CCDC91: variants seen among roughly 807,000 people sequenced by gnomAD.
CCDC91 encodes the protein coiled-coil domain-containing protein 91.
A neutral mutation model predicts 63.2 loss-of-function variants in CCDC91; 48 were observed. The ratio of observed to expected loss-of-function variants is 0.76; its 90% CI spans 0.60 to 0.97. The LOEUF (loss-of-function observed/expected upper bound fraction) is 0.97, where lower values mean the gene tolerates loss of function less well. CCDC91 is among the 50% of genes least tolerant of loss of function. The probability of loss-of-function intolerance (pLI) is 0.00; values close to 1 mark genes in which losing one functional copy is unlikely to be tolerated. For missense variants in CCDC91, 500 were observed against 494.6 expected, an observed-to-expected ratio of 1.01 and a Z score of -0.10; for synonymous variants, 167 against 165.8, an observed-to-expected ratio of 1.01 and a Z score of -0.06.
At chr12:28,448,317 CTAT>C (rs1202461478) in intron 8 of CCDC91, among the ~76,000 whole-genome samples, 1 of 152,034 alleles carries the variant, frequency 6.6e-6, no homozygotes, top group Non-Finnish European at 1.5e-5. Flanking sequence ...CTCAAAAGTG[CTAT>C]TATTATCTAT....
intron 7 of CCDC91, among the ~76,000 whole-genome samples, chr12:28,379,510 C>T (rs989548992): frequency 7.4e-5 from 11 of 148,864 alleles, no homozygotes; most frequent in African/African-American, 2.2e-4. Context: ...TATGAACAGA[C>T]ACTTCTCAAA....
intron 11 of CCDC91, among the ~76,000 whole-genome samples, chr12:28,462,008 G>A (rs1167958151): frequency 2.6e-5 from 4 of 151,392 alleles, no homozygotes; most frequent in African/African-American, 4.8e-5. Flanking sequence ...TCCAAACTGT[G>A]TATCAAGAGA....
intron 11 of CCDC91, among the ~76,000 whole-genome samples, chr12:28,478,353 A>C (rs1341918806): frequency 6.6e-6 from 1 of 152,132 alleles, no homozygotes; most frequent in Non-Finnish European, 1.5e-5. Context: ...CAAAGACAAG[A>C]AATGGGGAAA....
At chr12:28,245,328 A>G (rs1174085858) in intron 1 of CCDC91, among the ~76,000 whole-genome samples, 3 of 152,180 alleles carry the variant, frequency 2.0e-5, no homozygotes, top group African/African-American at 7.2e-5. Flanking sequence ...TCAGGAAAAA[A>G]AAAGAATTAG....
chr12:28,335,231 A>G (rs1348498641), intron 6 of CCDC91, among the ~76,000 whole-genome samples: 1 of 136,508 alleles, frequency 7.3e-6, no homozygotes, highest in Non-Finnish European at 1.6e-5. Flanking sequence ...AGATAAATAC[A>G]TAGTATACTT....
intron 6 of CCDC91, among the ~76,000 whole-genome samples, chr12:28,354,556 A>C (rs1943400371): frequency 6.6e-6 from 1 of 152,174 alleles, no homozygotes; most frequent in African/African-American, 2.4e-5. Flanking sequence ...AGTATATTTA[A>C]ATATATGAAG....
intron 12 of CCDC91, among the ~76,000 whole-genome samples, chr12:28,531,723 T>C (rs537290124): frequency 6.6e-6 from 1 of 152,356 alleles, no homozygotes; most frequent in South Asian, 2.1e-4. Context: ...TTGTCTCTTC[T>C]ATATTTTTGT....
intron 3 of CCDC91, among the ~76,000 whole-genome samples, chr12:28,265,370 A>C (rs1005272580): frequency 2.0e-5 from 3 of 152,086 alleles, no homozygotes; most frequent in Non-Finnish European, 4.4e-5. Flanking sequence ...CTGACCCTTT[A>C]GAAGGAATAA....
intron 7 of CCDC91, among the ~76,000 whole-genome samples, chr12:28,389,978 G>A (rs1345090327): frequency 6.6e-6 from 1 of 152,096 alleles, no homozygotes; most frequent in Non-Finnish European, 1.5e-5. Flanking sequence ...GGAAGACACT[G>A]TAAATCAAGG....
chr12:28,433,324 ATTATC>A (rs1191663712), intron 8 of CCDC91, among the ~76,000 whole-genome samples: 1 of 151,886 alleles, frequency 6.6e-6, no homozygotes, highest in Non-Finnish European at 1.5e-5. Flanking sequence ...GCTTTCATAT[ATTATC>A]TTCTAGCAGT....
chr12:28,213,218 C>T (rs1943353073), intron 1 of CCDC91, among the ~76,000 whole-genome samples: 1 of 152,232 alleles, frequency 6.6e-6, no homozygotes, highest in Non-Finnish European at 1.5e-5. Flanking sequence ...ATGGCTTTCC[C>T]TGAGGAAGTT....
chr12:28,410,299 TA>T (rs1253363081), intron 8 of CCDC91, among the ~76,000 whole-genome samples: 1 of 152,240 alleles, frequency 6.6e-6, no homozygotes, highest in African/African-American at 2.4e-5. Flanking sequence ...CTAGTAATAT[TA>T]TTTCCTATGA....
intron 12 of CCDC91, among the ~76,000 whole-genome samples, chr12:28,492,070 G>A (rs764124182): frequency 5.3e-5 from 8 of 151,714 alleles, no homozygotes; most frequent in Non-Finnish European, 1.2e-4. Context: ...CTATTAAACT[G>A]TTTAGAAGGA....
intron 3 of CCDC91, among the ~76,000 whole-genome samples, chr12:28,290,221 A>T (rs1374235097): frequency 1.3e-5 from 2 of 151,786 alleles, no homozygotes; most frequent in Non-Finnish European, 2.9e-5. Context: ...TTTAAGATAG[A>T]TCTTATTGAA....
intron 6 of CCDC91, among the ~76,000 whole-genome samples, chr12:28,338,679 T>C (rs1426133699): frequency 6.6e-6 from 1 of 151,868 alleles, no homozygotes; most frequent in Non-Finnish European, 1.5e-5. Flanking sequence ...AAAAAATCAC[T>C]CTGACCTCTG....
intron 12 of CCDC91, among the ~76,000 whole-genome samples, chr12:28,507,263 T>G (rs1253760635): frequency 6.6e-6 from 1 of 151,996 alleles, no homozygotes; most frequent in Non-Finnish European, 1.5e-5. Flanking sequence ...GAGCATAATG[T>G]GGCTGCTAAC....
chr12:28,402,520 A>ATTTTTTTTTTTTTTTTTTTT (rs57398967), intron 8 of CCDC91, among the ~76,000 whole-genome samples: 2 of 51,924 alleles, frequency 3.9e-5, no homozygotes, highest in African/African-American at 7.9e-5. Context: ...AGTTCCAGGA[A>ATTTTTTTTTTTTTTTTTTTT]TTTTTTTTTT....
At chr12:28,331,172 A>G (rs1167149944) in intron 6 of CCDC91, among the ~76,000 whole-genome samples, 1 of 152,206 alleles carries the variant, frequency 6.6e-6, no homozygotes, top group African/African-American at 2.4e-5. Context: ...TTCCTTTTAT[A>G]TTTATTTCAC....
intron 1 of CCDC91, among the ~76,000 whole-genome samples, chr12:28,208,948 C>T (rs1943042147): frequency 2.0e-5 from 3 of 152,128 alleles, no homozygotes; most frequent in East Asian, 1.9e-4. Context: ...CTACAGGTGC[C>T]TGCCACCATG....
Sources: allele counts gnomAD v4.1 joint callset (sites outside exome capture counted in the v4.1 genomes callset), GRCh38; gene constraint gnomAD v4.1.1; transcripts MANE v1.5; gene names NCBI Gene and HGNC (gene_info 2026-07-23, HGNC 2026-07-21).